DAB2IP: variants seen among roughly 807,000 people sequenced by gnomAD.
The protein encoded by DAB2IP is DAB2 interacting protein.
A neutral mutation model predicts 107.2 loss-of-function variants in DAB2IP; 28 were observed. The observed-to-expected ratio is 0.26, with a 90% confidence interval of 0.19 to 0.36. DAB2IP has a LOEUF of 0.36. DAB2IP is among the 10% of genes least tolerant of loss of function. The pLI is 1.00. For synonymous variants in DAB2IP, 755 were observed against 706.4 expected, an observed-to-expected ratio of 1.07 and a Z score of -1.09; for missense variants, 1,400 against 1,644.7, an observed-to-expected ratio of 0.85 and a Z score of 2.57.
At chr9:121,692,571 G>A (rs1829216201) in intron 2 of DAB2IP, among the ~76,000 whole-genome samples, 1 of 152,146 alleles carries the variant, frequency 6.6e-6, no homozygotes, top group African/African-American at 2.4e-5. Context: ...CCTATGAATT[G>A]GTTTTCTTTG....
chr9:121,769,931 G>A (rs528446589), intron 10 of DAB2IP, among the ~76,000 whole-genome samples: 35 of 152,324 alleles, frequency 2.3e-4, no homozygotes, highest in African/African-American at 8.2e-4. Flanking sequence ...TTCACACTTT[G>A]TTTTCTCACA....
At chr9:121,688,234 C>G (rs945494380) in intron 2 of DAB2IP, among the ~76,000 whole-genome samples, 1 of 152,234 alleles carries the variant, frequency 6.6e-6, no homozygotes, top group Non-Finnish European at 1.5e-5. Context: ...GGATTACAGA[C>G]ATAATTATAT....
At chr9:121,629,993 C>A (rs947931024) in intron 1 of DAB2IP, among the ~76,000 whole-genome samples, 1 of 152,298 alleles carries the variant, frequency 6.6e-6, no homozygotes, top group African/African-American at 2.4e-5. Flanking sequence ...TTTCAAGAAC[C>A]ATTAATTAGA....
intron 2 of DAB2IP, among the ~76,000 whole-genome samples, chr9:121,691,448 A>G (rs1266813884): frequency 6.6e-6 from 1 of 151,856 alleles, no homozygotes; most frequent in South Asian, 2.1e-4. Flanking sequence ...CTGGTGGTCA[A>G]AGGAAGTGAT....
At chr9:121,574,237 C>CT (rs1222033416) in intron 1 of DAB2IP, among the ~76,000 whole-genome samples, 4 of 152,150 alleles carry the variant, frequency 2.6e-5, no homozygotes, top group African/African-American at 7.3e-5. Flanking sequence ...TGCCCTCCCT[C>CT]TGAGGCCTCC....
chr9:121,628,558 A>T (rs964418346), intron 1 of DAB2IP, among the ~76,000 whole-genome samples: 5 of 152,196 alleles, frequency 3.3e-5, no homozygotes, highest in African/African-American at 1.2e-4. Context: ...GCACTGGAAG[A>T]CTTTTGAATC....
chr9:121,604,289 G>A (rs1181755003), intron 1 of DAB2IP, among the ~76,000 whole-genome samples: 2 of 152,158 alleles, frequency 1.3e-5, no homozygotes, highest in Non-Finnish European at 2.9e-5. Flanking sequence ...GACCTGAACG[G>A]TTCTAACCTC....
At chr9:121,705,661 G>A (rs987679118) in intron 3 of DAB2IP, among the ~76,000 whole-genome samples, 2 of 152,170 alleles carry the variant, frequency 1.3e-5, no homozygotes, top group South Asian at 2.1e-4. Flanking sequence ...GAGCTGGCCG[G>A]TGTGTGAATA....
intron 3 of DAB2IP, among the ~76,000 whole-genome samples, chr9:121,724,203 G>C (rs934871511): frequency 6.6e-6 from 1 of 152,004 alleles, no homozygotes; most frequent in African/African-American, 2.4e-5. Context: ...CTCTGCCCAG[G>C]ACTCACTTGT....
chr9:121,691,880 G>A (rs1829182645), intron 2 of DAB2IP, among the ~76,000 whole-genome samples: 2 of 152,236 alleles, frequency 1.3e-5, no homozygotes, highest in African/African-American at 4.8e-5. Flanking sequence ...GAAATGTTTA[G>A]GGCAGGAAGC....
chr9:121,621,636 CTTTT>C (rs538942620), intron 1 of DAB2IP, among the ~76,000 whole-genome samples: 4 of 134,866 alleles, frequency 3.0e-5, no homozygotes, highest in Non-Finnish European at 3.2e-5. Flanking sequence ...TCTTTTTTTC[CTTTT>C]TTTTTTTTTT....
chr9:121,691,487 C>G (rs1390584593), intron 2 of DAB2IP, among the ~76,000 whole-genome samples: 1 of 150,122 alleles, frequency 6.7e-6, no homozygotes, highest in Non-Finnish European at 1.5e-5. Flanking sequence ...CGCCACTGCA[C>G]TCCAGCCTGA....
At chr9:121,706,684 T>C (rs1830073589) in intron 3 of DAB2IP, among the ~76,000 whole-genome samples, 1 of 152,178 alleles carries the variant, frequency 6.6e-6, no homozygotes, top group South Asian at 2.1e-4. Flanking sequence ...ATGGAAATGA[T>C]AGGGGAGTTT....
In DAB2IP at chr9:121,779,385, T is replaced by C. The variant is rs78070937; in HGVS notation, c.3315-2079T>C. Among the ~76,000 whole-genome samples, 123 of 152,380 alleles carry C rather than the reference T, an allele frequency of 8.1e-4. 1 individual carries two copies. The East Asian group carries it at 0.022, about 27-fold the overall frequency. ...TGTTTTTACTGATTTATTTTCCGCC[T>C]GCTTATGAGTTTTCCTACTTCTCTC... On this transcript the variant is annotated intron_variant, in intron 14 of 15. Transcript: ENST00000408936.
At chr9:121,716,248 A>G (rs774222556) in intron 3 of DAB2IP, among the ~76,000 whole-genome samples, 15 of 152,180 alleles carry the variant, frequency 9.9e-5, no homozygotes, top group Non-Finnish European at 1.9e-4. Context: ...TGGATGTAAC[A>G]CTGCCTGCTG....
At chr9:121,643,970 C>T (rs1246351861) in intron 1 of DAB2IP, among the ~76,000 whole-genome samples, 1 of 152,152 alleles carries the variant, frequency 6.6e-6, no homozygotes, top group Non-Finnish European at 1.5e-5. Context: ...GAGTTCGAGA[C>T]CAGTCTGAGC....
At chr9:121,718,204 G>A (rs1305289616) in intron 3 of DAB2IP, among the ~76,000 whole-genome samples, 1 of 152,122 alleles carries the variant, frequency 6.6e-6, no homozygotes, top group Non-Finnish European at 1.5e-5. Context: ...GGCAGCCGCG[G>A]CTCCTGACTG....
intron 3 of DAB2IP, among the ~76,000 whole-genome samples, chr9:121,727,426 A>G (rs1042354261): frequency 4.6e-5 from 7 of 152,262 alleles, no homozygotes; most frequent in Admixed American, 1.3e-4. Context: ...GTGCCTACAC[A>G]TAGAGGCGCC....
chr9:121,653,124 A>G (rs1399920876), intron 1 of DAB2IP, among the ~76,000 whole-genome samples: 1 of 152,060 alleles, frequency 6.6e-6, no homozygotes, highest in African/African-American at 2.4e-5. Flanking sequence ...CAGAATTAAC[A>G]GTACTAAGTT....
Sources: gnomAD v4.1 joint callset for allele counts (sites outside exome capture counted in the v4.1 genomes callset) on GRCh38, gnomAD v4.1.1 for gene constraint, MANE v1.5 for transcripts, NCBI Gene and HGNC (gene_info 2026-07-23, HGNC 2026-07-21) for gene names.